Variants in FREM2 observed in about 807,000 individuals in gnomAD.
FREM2 encodes FRAS1-related extracellular matrix protein 2.
In FREM2, 119 loss-of-function variants were observed where a neutral mutation model predicts 219.9. The ratio of observed to expected loss-of-function variants is 0.54; its 90% CI spans 0.47 to 0.63. FREM2 has a LOEUF of 0.63. Ranked by LOEUF, FREM2 falls within the 30% of genes least tolerant of loss-of-function variation. The pLI is 0.00. For missense variants in FREM2, 4,030 were observed against 3,993.6 expected (o/e 1.01, Z -0.25); for synonymous variants, 1,562 against 1,522.8 (o/e 1.03, Z -0.60).
intron 11 of FREM2, among the ~76,000 whole-genome samples, chr13:38,855,535 G>A (rs926464118): frequency 1.3e-5 from 2 of 152,130 alleles, no homozygotes; most frequent in African/African-American, 4.8e-5. Flanking sequence ...ACGAACCAAT[G>A]TCTTATTATT....
At position 38,693,551 on chromosome 13, in the gene FREM2, G is replaced by A. The variant is rs143792549; in HGVS notation, c.5173+1034G>A. The stretch of plus-strand genomic sequence containing the variant: ...GTCAGGGCTCCGTTCTGCAGAACAT[G>A]CAACTTTCATTACAGTGGGATTTGG... On this transcript the variant is annotated intron_variant, in intron 1 of 23. Coordinates refer to ENST00000280481, the MANE Select transcript of FREM2 (RefSeq NM_207361.6). 7.2e-5 allele frequency among the ~76,000 whole-genome samples: 11 copies of A among 152,246 alleles called. No individual in the cohort carries two copies. In the East Asian group the frequency reaches 2.1e-3, roughly 29 times the overall value.
rs528536439 is a variant in FREM2 at position 38,802,840 on chromosome 13, TAG to T, written c.6019+18033_6019+18034del. Among the ~76,000 whole-genome samples the T allele has an allele frequency of 2.0e-5, 3 of 152,288 alleles. No individual in the cohort carries two copies. The East Asian group carries it at 5.8e-4, about 29-fold the overall frequency. On this transcript the variant is annotated intron_variant, in intron 6 of 23. Coordinates refer to ENST00000280481, the MANE Select transcript of FREM2 (RefSeq NM_207361.6). ...CCCATATAGGTCGAGGGGTCTCCTG[TAG>T]CTGGGATTGTGAAAGTTTGTAGAGG...
intron 16 of FREM2, among the ~76,000 whole-genome samples, chr13:38,872,170 A>G (rs1277911287): frequency 6.6e-6 from 1 of 152,230 alleles, no homozygotes. Context: ...CCTTGAAAAC[A>G]TTATGCTAAA....
At chr13:38,726,201 G>A (rs1417151864) in intron 2 of FREM2, among the ~76,000 whole-genome samples, 1 of 152,090 alleles carries the variant, frequency 6.6e-6, no homozygotes, top group Non-Finnish European at 1.5e-5. Flanking sequence ...GCAGACCGAT[G>A]ACTGGCTCGT....
At chr13:38,803,229 T>C (rs918410516) in intron 6 of FREM2, among the ~76,000 whole-genome samples, 3 of 152,186 alleles carry the variant, frequency 2.0e-5, no homozygotes, top group Admixed American at 1.3e-4. Context: ...AATTATGTTT[T>C]TGTGCTCACA....
intron 16 of FREM2, among the ~76,000 whole-genome samples, chr13:38,871,166 C>T (rs1161137992): frequency 2.6e-5 from 4 of 152,150 alleles, no homozygotes; most frequent in Non-Finnish European, 5.9e-5. Context: ...CTATACTATA[C>T]AGCTAAGAAT....
At chr13:38,862,359 G>C (rs1877792942) in intron 15 of FREM2, among the ~76,000 whole-genome samples, 1 of 152,150 alleles carries the variant, frequency 6.6e-6, no homozygotes, top group African/African-American at 2.4e-5. Flanking sequence ...TTCCTTTATA[G>C]CATAATGTTG....
chr13:38,866,560 C>T (rs1252569343), intron 16 of FREM2, among the ~76,000 whole-genome samples: 1 of 150,986 alleles, frequency 6.6e-6, no homozygotes, highest in Non-Finnish European at 1.5e-5. Context: ...CCCAGCTACT[C>T]AGGAGGCTGA....
intron 2 of FREM2, among the ~76,000 whole-genome samples, chr13:38,742,644 C>T (rs1409069941): frequency 5.9e-5 from 9 of 152,122 alleles, no homozygotes; most frequent in African/African-American, 2.2e-4. Context: ...AGGAATTATG[C>T]CATTTTATCG....
intron 6 of FREM2, among the ~76,000 whole-genome samples, chr13:38,786,828 C>G (rs1378532807): frequency 1.3e-5 from 2 of 152,044 alleles, no homozygotes; most frequent in African/African-American, 4.8e-5. Context: ...ATGCCATTAT[C>G]CCTATTTTAC....
At chr13:38,704,600 T>C (rs1870467388) in intron 2 of FREM2, among the ~76,000 whole-genome samples, 1 of 152,150 alleles carries the variant, frequency 6.6e-6, no homozygotes, top group African/African-American at 2.4e-5. Flanking sequence ...AAGATGAGGC[T>C]GGAGAGCTAG....
At chr13:38,704,134 G>T (rs565240687) in intron 2 of FREM2, among the ~76,000 whole-genome samples, 1 of 152,174 alleles carries the variant, frequency 6.6e-6, no homozygotes, top group South Asian at 2.1e-4. Flanking sequence ...GTAAAAGAAG[G>T]GTCAGAGTTT....
chr13:38,759,489 A>G (rs1049747769), intron 2 of FREM2, among the ~76,000 whole-genome samples: 5 of 152,070 alleles, frequency 3.3e-5, no homozygotes, highest in Admixed American at 6.5e-5. Flanking sequence ...ATTGAAGAAA[A>G]TGAAGAAGTC....
At chr13:38,695,495 T>C (rs1393583798) in intron 1 of FREM2, among the ~76,000 whole-genome samples, 1 of 152,172 alleles carries the variant, frequency 6.6e-6, no homozygotes, top group Non-Finnish European at 1.5e-5. Flanking sequence ...AACTATCCCT[T>C]AACGATTACA....
At chr13:38,696,932 C>T (rs1000958645) in intron 1 of FREM2, among the ~76,000 whole-genome samples, 5 of 151,838 alleles carry the variant, frequency 3.3e-5, no homozygotes, top group African/African-American at 9.7e-5. Context: ...CTCAGCCTCC[C>T]GAATAGCTGG....
intron 3 of FREM2, 79 bp from the exon 4 acceptor site, chr13:38,769,499 A>G: frequency 7.8e-7 from 1 of 1,289,040 alleles, no homozygotes; most frequent in Non-Finnish European, 1.1e-6. Context: ...ATAAAATGAC[A>G]TGCAAAAAGT....
intron 4 of FREM2, among the ~76,000 whole-genome samples, chr13:38,772,305 A>G (rs1379445433): frequency 6.6e-6 from 1 of 152,238 alleles, no homozygotes; most frequent in Non-Finnish European, 1.5e-5. Flanking sequence ...GGGATGGGAA[A>G]GAGAGCCCTT....
chr13:38,815,861 A>C (rs949826924), intron 6 of FREM2, among the ~76,000 whole-genome samples: 1 of 152,200 alleles, frequency 6.6e-6, no homozygotes, highest in African/African-American at 2.4e-5. Context: ...ACATTAATCT[A>C]TTTATGAGGG....
chr13:38,690,418 T>C lies in FREM2; in HGVS notation c.3074T>C (p.Leu1025Pro). 1 of 1,614,140 alleles carries C rather than the reference T, an allele frequency of 6.2e-7. No individual in the cohort carries two copies. Among genetic ancestry groups the C allele is most frequent in the Non-Finnish European group, 8.5e-7 (1 of 1,179,972 alleles). The change falls in exon 1 of 24, where the codon CTA (leucine) becomes CCA (proline). Residue 1025 changes from leucine to proline, a missense_variant. Physicochemically the swap from Leu to Pro is moderately conservative, Grantham distance 98. Around this residue, in one of 2 missense-constraint regions of FREM2, gnomAD observed 3,102 missense variants for 2,950.7 expected, o/e 1.05. Coordinates refer to ENST00000280481, the MANE Select transcript of FREM2 (RefSeq NM_207361.6). ...ACCCACACCAGTGGTGAGATAGGCC[T>C]ATTGCCTAAAGCGGATTCTTTTAAC... ...VYTHTSGEIG[L>P]LPKADSFNLS...
Sources: allele counts gnomAD v4.1 joint callset (sites outside exome capture counted in the v4.1 genomes callset), GRCh38; gene constraint gnomAD v4.1.1; regional missense constraint gnomAD v4.1.1; transcripts MANE v1.5; gene names NCBI Gene and HGNC (gene_info 2026-07-23, HGNC 2026-07-21).